AFMID: variants seen among roughly 807,000 people sequenced by gnomAD.
AFMID encodes the protein arylformamidase, also known as kynurenine formamidase.
Under a neutral mutation model 47.5 loss-of-function variants are expected in AFMID, and 39 were observed. That is an observed-to-expected ratio of 0.82 (90% CI 0.64 to 1.07). The LOEUF (loss-of-function observed/expected upper bound fraction) is 1.07. Among genes scored for constraint, AFMID ranks in the 50% least tolerant of loss-of-function variants. The pLI is 0.00. For missense variants in AFMID, 375 were observed against 387.5 expected (o/e 0.97, Z 0.27); for synonymous variants, 130 against 153.2 (o/e 0.85, Z 1.12).
chr17:78,192,828 C>G (rs2076008521), intron 2 of AFMID: 1 of 320,400 alleles, frequency 3.1e-6, no homozygotes, highest in African/African-American at 2.2e-5. Context: ...AGCTCTGTTG[C>G]AGCAGGCTCA....
At chr17:78,201,201 C>T (rs991965202) in intron 2 of AFMID, among the ~76,000 whole-genome samples, 6 of 149,164 alleles carry the variant, frequency 4.0e-5, no homozygotes, top group East Asian at 2.0e-4. Context: ...GGCTAAGGCA[C>T]GAGAATTGCT....
At chr17:78,193,307 C>T (rs1029918232) in intron 2 of AFMID, among the ~76,000 whole-genome samples, 1 of 138,926 alleles carries the variant, frequency 7.2e-6, no homozygotes, top group Non-Finnish European at 1.5e-5. Context: ...GGAGGTGGAG[C>T]TTGCAGTGAG....
intron 4 of AFMID, chr17:78,203,055 C>T (rs77705304): frequency 1.8e-5 from 2 of 111,138 alleles, no homozygotes; most frequent in East Asian, 3.0e-4. Context: ...CTTCCTCTCT[C>T]TTTTTTTTTT....
Position 78,199,408 on chromosome 17 carries a change from C to T in AFMID, c.155-3091C>T, listed in dbSNP as rs568188294. Among the ~76,000 whole-genome samples, 3 of 147,908 alleles carry T rather than the reference C, an allele frequency of 2.0e-5. No homozygotes were observed. The East Asian group carries it at 6.5e-4, about 32-fold the overall frequency. ...TTTCTTTTTTTTTGAGACAGTCTTGCTCTATTGCCCAGGCTGGAGTGCAGT... is the reference window on the plus strand; with the variant it reads ...TTTCTTTTTTTTTGAGACAGTCTTGTTCTATTGCCCAGGCTGGAGTGCAGT... On this transcript the variant is annotated intron_variant, in intron 2 of 10. Coordinates refer to ENST00000409257, the MANE Select transcript of AFMID (RefSeq NM_001010982.5).
At chr17:78,200,335 A>T (rs1203177516) in intron 2 of AFMID, among the ~76,000 whole-genome samples, 2 of 152,140 alleles carry the variant, frequency 1.3e-5, no homozygotes. Flanking sequence ...TTGTATTTTT[A>T]GTAGAGACAG....
Position 78,206,929 on chromosome 17 carries a change from T to A in AFMID, c.904T>A (p.Phe302Ile). 1 of 1,614,096 alleles carries A rather than the reference T, an allele frequency of 6.2e-7. No individual in the cohort carries two copies. The highest frequency in any genetic ancestry group is 1.3e-5 in the African/African-American group (1 of 75,034). The part of the protein sequence containing the change: ...VLTQIILKTI[F>I]Q ...GTTCCAGATTATCTTGAAAACAATC[T>A]TCCAGTAGTTCTGACGATACTTGGA... The change falls in exon 11 of 11, where the codon TTC becomes ATC. Residue 302 changes from phenylalanine (F) to isoleucine (I), a missense_variant. Transcript: ENST00000409257.
rs141538162 is a variant in AFMID at position 78,205,492 on chromosome 17, A to G, written c.618A>G (p.Ser206=). The G allele has an allele frequency of 1.4e-5, 23 of 1,613,940 alleles. No homozygotes were observed. In the African/African-American group the frequency reaches 3.1e-4, roughly 22 times the overall value. Residue 206 remains serine, a synonymous_variant, in exon 8 of 11, where the codon TCA becomes TCG. Coordinates refer to ENST00000409257, the MANE Select transcript of AFMID (RefSeq NM_001010982.5). The part of the protein sequence containing the change: ...VFDLEPIVYT[S]QNVALQLTLE... ...ACCTGGAGCCCATCGTGTATACTTC[A>G]CAGAACGTTGCTCTCCAGCTGACCC... is the stretch of plus-strand genomic sequence containing the variant.
rs2076220090 is a variant in AFMID, at chr17:78,200,542, T to C, written c.155-1957T>C. Among the ~76,000 whole-genome samples, 3 of 152,120 alleles carry C rather than the reference T, an allele frequency of 2.0e-5. No individual in the cohort carries two copies. In the South Asian group the frequency reaches 6.2e-4, roughly 32 times the overall value. The stretch of plus-strand genomic sequence containing the variant: ...GGGCCCTAAATGCCATTGACTGCTA[T>C]CCTGCTAAGAGACAGAAGAGGGAGG... On this transcript the variant is annotated intron_variant, in intron 2 of 10. Coordinates refer to ENST00000409257, the MANE Select transcript of AFMID (RefSeq NM_001010982.5).
Position 78,202,547 on chromosome 17 carries a change from A to G in AFMID, c.203A>G (p.Tyr68Cys), listed in dbSNP as rs774921922. ...ATRKSLLHVP[Y>C]GDGEGEKVDI... ...AGGAAGAGCCTGCTGCATGTCCCCT[A>G]TGGAGACGGCGAAGGGGAGAAAGTG... The change falls in exon 3 of 11, where the codon TAT (tyrosine) becomes TGT (cysteine). Residue 68 changes from tyrosine to cysteine, a missense_variant. Coordinates refer to ENST00000409257, the MANE Select transcript of AFMID (RefSeq NM_001010982.5). The G allele has an allele frequency of 2.0e-5, 32 of 1,613,862 alleles. No homozygotes were observed. The highest frequency in any genetic ancestry group is 6.6e-5 in the South Asian group (6 of 91,082).
intron 1 of AFMID, among the ~76,000 whole-genome samples, chr17:78,189,130 T>G (rs1274843030): frequency 6.6e-6 from 1 of 152,150 alleles, no homozygotes; most frequent in Non-Finnish European, 1.5e-5. Flanking sequence ...CAGATGGCAT[T>G]TGACCTCAGG....
At chr17:78,187,750 G>C (rs1357174083) in intron 1 of AFMID, among the ~76,000 whole-genome samples, 1 of 151,922 alleles carries the variant, frequency 6.6e-6, no homozygotes, top group Non-Finnish European at 1.5e-5. Flanking sequence ...TCAGGAGTTC[G>C]AGACCAGCCT....
intron 1 of AFMID, among the ~76,000 whole-genome samples, chr17:78,189,219 CTTTT>C (rs770863206): frequency 4.1e-5 from 5 of 122,746 alleles, no homozygotes; most frequent in African/African-American, 1.3e-4. Context: ...TTCCTTGTTA[CTTTT>C]TTTTTTTTTT....
chr17:78,195,524 C>A (rs952748487), intron 2 of AFMID, among the ~76,000 whole-genome samples: 2 of 126,606 alleles, frequency 1.6e-5, no homozygotes, highest in Non-Finnish European at 3.3e-5. Flanking sequence ...TTTTTTGGGG[C>A]GGAGTTTCAC....
At chr17:78,188,551 C>A (rs2075866353) in intron 1 of AFMID, among the ~76,000 whole-genome samples, 1 of 151,648 alleles carries the variant, frequency 6.6e-6, no homozygotes, top group Non-Finnish European at 1.5e-5. Context: ...TCCCGAGTGG[C>A]TGGGATTACA....
Position 78,204,637 on chromosome 17 carries a change from C to A in AFMID, c.309-19C>A. The A allele has an allele frequency of 6.2e-7, 1 of 1,613,956 alleles. No homozygotes were observed. Among genetic ancestry groups the A allele is most frequent in the Non-Finnish European group, 8.5e-7 (1 of 1,179,852 alleles). ...GTGGCCAAGCTGCCTCCAGCTGTCA[C>A]ATCTGTGTGTCTCTGCAGTAAGGAT... On this transcript the variant is annotated intron_variant, in intron 4 of 10. Coordinates refer to ENST00000409257, the MANE Select transcript of AFMID (RefSeq NM_001010982.5).
In AFMID at chr17:78,207,030, C is replaced by T. The variant is rs762167155; in HGVS notation, c.*93C>T. Reference sequence around the variant, plus strand: ...GAGCTGACACTGACAGCTTCAGTTTCCCCCAGCACCCAGGAGAGCCTTGCT... The same window carrying T: ...GAGCTGACACTGACAGCTTCAGTTTTCCCCAGCACCCAGGAGAGCCTTGCT... On this transcript the variant is annotated 3_prime_UTR_variant, in exon 11 of 11. Coordinates refer to ENST00000409257, the MANE Select transcript of AFMID (RefSeq NM_001010982.5). 15 of 1,338,954 alleles carry T rather than the reference C, an allele frequency of 1.1e-5. No individual in the cohort carries two copies. Among genetic ancestry groups the T allele is most frequent in the South Asian group, 7.0e-5 (6 of 85,408 alleles). The allele number at this position is 1,338,954 out of a possible 1,614,324, so 82.9% of individuals were successfully genotyped here.
rs2075820463 is a variant in AFMID at position 78,187,369 on chromosome 17, C to A, written c.-2C>A. On this transcript the variant is annotated 5_prime_UTR_variant, in exon 1 of 11. Coordinates refer to ENST00000409257, the MANE Select transcript of AFMID (RefSeq NM_001010982.5). ...ACGCACGCCCATGCGGCTGTAGACG[C>A]CATGATGGATGTGTCTGGTGTGGGT... 1 of 1,613,846 alleles carries A rather than the reference C, an allele frequency of 6.2e-7. No homozygotes were observed. The highest frequency in any genetic ancestry group is 1.7e-5 in the Admixed American group (1 of 60,022).
intron 9 of AFMID, 87 bp downstream of exon 9, chr17:78,205,825 C>G: frequency 6.3e-7 from 1 of 1,595,028 alleles, no homozygotes; most frequent in East Asian, 2.2e-5. Context: ...TGGACAAGAC[C>G]CTCCATCATT....
intron 2 of AFMID, among the ~76,000 whole-genome samples, chr17:78,200,140 G>A (rs992923185): frequency 6.6e-6 from 1 of 152,074 alleles, no homozygotes; most frequent in African/African-American, 2.4e-5. Flanking sequence ...TATTTGGTGT[G>A]TTTTGTTTTG....
Sources: gnomAD v4.1 joint callset for allele counts (sites outside exome capture counted in the v4.1 genomes callset) on GRCh38, gnomAD v4.1.1 for gene constraint, MANE v1.5 for transcripts, NCBI Gene and HGNC (gene_info 2026-07-23, HGNC 2026-07-21) for gene names.